Variants in PLIN2 observed in about 807,000 individuals in gnomAD.
PLIN2 encodes perilipin-2.
PLIN2 carries 33 observed loss-of-function variants against 30.6 expected under a neutral mutation model. That is an observed-to-expected ratio of 1.08 (90% CI 0.82 to 1.44). PLIN2 has a LOEUF of 1.44. Among genes scored for constraint, PLIN2 ranks in the 40% most tolerant of loss-of-function variants. PLIN2 has a pLI of 0.00. For synonymous variants in PLIN2, 205 were observed against 201.1 expected (o/e 1.02, Z -0.16); for missense variants, 610 against 531.8 (o/e 1.15, Z -1.45).
At chr9:19,121,537 AAAAG>A (rs1818317151) in intron 4 of PLIN2, among the ~76,000 whole-genome samples, 1 of 151,916 alleles carries the variant, frequency 6.6e-6, no homozygotes, top group African/African-American at 2.4e-5. Context: ...AAAAGAAAAG[AAAAG>A]AAGGTAAGTT....
intron 3 of PLIN2, 65 bp from the exon 4 acceptor site, chr9:19,123,712 T>C: frequency 7.2e-7 from 1 of 1,388,190 alleles, no homozygotes; most frequent in Non-Finnish European, 1.0e-6. Flanking sequence ...CACATTACCA[T>C]AGGCCTTATA....
At chr9:19,120,734 T>C in intron 5 of PLIN2, 146 bp downstream of exon 5, 1 of 634,212 alleles carries the variant, frequency 1.6e-6, no homozygotes, top group East Asian at 2.7e-5. Flanking sequence ...GAGGATCTTT[T>C]GGGGTAGCAG....
chr9:19,121,920 A>G (rs1236039928), intron 4 of PLIN2, among the ~76,000 whole-genome samples: 3 of 152,062 alleles, frequency 2.0e-5, no homozygotes, highest in Non-Finnish European at 4.4e-5. Context: ...AACAAGAGCA[A>G]AACTCTGTCT....
At chr9:19,119,309 T>G (rs1818276981) in intron 6 of PLIN2, among the ~76,000 whole-genome samples, 1 of 152,218 alleles carries the variant, frequency 6.6e-6, no homozygotes, top group African/African-American at 2.4e-5. Context: ...TAGGTATGCT[T>G]GTAACTTTAC....
chr9:19,109,578 A>AACATAAAACACATAAAACGTAC (rs752447982), intron 2 of PLIN2, among the ~76,000 whole-genome samples: 3,298 of 151,742 alleles, frequency 0.022, 70 homozygotes, highest in Middle Eastern at 0.086. Context: ...AAAAATTAAT[A>AACATAAAACACATAAAACGTAC]ACATAAAACG....
At chr9:19,126,349 A>G in intron 2 of PLIN2, 40 bp from the exon 3 acceptor site, 1 of 1,613,600 alleles carries the variant, frequency 6.2e-7, no homozygotes, top group Non-Finnish European at 8.5e-7. Flanking sequence ...TTAATCTCTC[A>G]AAACACAAAA....
chr9:19,119,086 C>T (rs1304649919), intron 6 of PLIN2, among the ~76,000 whole-genome samples: 1 of 152,252 alleles, frequency 6.6e-6, no homozygotes, highest in Non-Finnish European at 1.5e-5. Flanking sequence ...TTGCCAACCA[C>T]TATTTCCCCT....
downstream of PLIN2, among the ~76,000 whole-genome samples, chr9:19,112,284 C>T (rs1480396413): frequency 6.6e-6 from 1 of 152,158 alleles, no homozygotes; most frequent in African/African-American, 2.4e-5. Context: ...CAAATGTTGA[C>T]GAACCTGCCA....
chr9:19,124,410 C>G (rs1588647647), intron 3 of PLIN2, among the ~76,000 whole-genome samples: 1 of 152,266 alleles, frequency 6.6e-6, no homozygotes, highest in South Asian at 2.1e-4. Flanking sequence ...CACCCTGGAT[C>G]TCCCTAACAA....
In PLIN2 at chr9:19,116,237, T is replaced by C. The variant is rs138102347; in HGVS notation, c.*11A>G. 1.9e-5 allele frequency: 30 copies of C among 1,556,536 alleles called. No individual in the cohort carries two copies. In the Admixed American group the frequency reaches 5.3e-4, roughly 27 times the overall value. On this transcript the variant is annotated 3_prime_UTR_variant, in exon 8 of 8. Transcript: ENST00000276914. ...GTCTGGCCACAGCATGCACTAGTGA[T>C]AGGGGCAGGTTTAATGAGTTTTATG...
In PLIN2 at chr9:19,126,324, G is replaced by C; in HGVS notation, c.31-15C>G. On this transcript the variant is annotated splice_polypyrimidine_tract_variant and intron_variant, in intron 2 of 7. Transcript: ENST00000276914. Reference sequence around the variant, plus strand: ...GTCACCACACTCTGCAATCAAAGTAGGGAGGGTATGCTTATTAATCTCTCA... The same window carrying C: ...GTCACCACACTCTGCAATCAAAGTACGGAGGGTATGCTTATTAATCTCTCA... 6.2e-7 allele frequency: 1 copy of C among 1,613,514 alleles called. No individual in the cohort carries two copies. The highest frequency in any genetic ancestry group is 1.3e-5 in the African/African-American group (1 of 75,036).
At chr9:19,109,911 G>A (rs1818136922) in intron 2 of PLIN2, among the ~76,000 whole-genome samples, 1 of 151,244 alleles carries the variant, frequency 6.6e-6, no homozygotes, top group African/African-American at 2.4e-5. Flanking sequence ...AGCCAAGATT[G>A]CACCACTGCA....
chr9:19,117,838 C>G (rs1039887662), intron 7 of PLIN2, among the ~76,000 whole-genome samples: 17 of 151,808 alleles, frequency 1.1e-4, no homozygotes, highest in Admixed American at 7.2e-4. Flanking sequence ...AGGATGGTCT[C>G]GATCTCCTGA....
chr9:19,110,621 G>A (rs1202488628), intron 2 of PLIN2, among the ~76,000 whole-genome samples: 11 of 151,746 alleles, frequency 7.2e-5, no homozygotes, highest in Non-Finnish European at 1.6e-4. Flanking sequence ...TATTACAGGC[G>A]TGTGCCACCA....
chr9:19,118,737 G>C (rs548901175), intron 6 of PLIN2, among the ~76,000 whole-genome samples: 4 of 152,144 alleles, frequency 2.6e-5, no homozygotes, highest in Admixed American at 1.3e-4. Flanking sequence ...AATTTTTTTT[G>C]AGTGTCACTC....
intron 3 of PLIN2, chr9:19,125,873 A>C: frequency 2.6e-6 from 1 of 389,722 alleles, no homozygotes. Context: ...CAGTGAGCCA[A>C]GACTGCGCCA....
downstream of PLIN2, among the ~76,000 whole-genome samples, chr9:19,112,296 G>A (rs1013654638): frequency 4.6e-5 from 7 of 152,268 alleles, no homozygotes; most frequent in South Asian, 1.0e-3. Context: ...AACCTGCCAT[G>A]GTTACATACT....
downstream of PLIN2, among the ~76,000 whole-genome samples, chr9:19,112,003 T>C (rs532818083): frequency 4.6e-4 from 70 of 152,296 alleles, no homozygotes; most frequent in Non-Finnish European, 9.0e-4. Context: ...AAGTTAAAGA[T>C]ACTACATGTC....
In PLIN2 at chr9:19,119,679, T is replaced by TGGTC; in HGVS notation, c.744_747dup (p.Ile250AspfsTer13). 1.2e-6 allele frequency: 2 copies of TGGTC among 1,605,098 alleles called. No homozygotes were observed. The highest frequency in any genetic ancestry group is 1.7e-6 in the Non-Finnish European group (2 of 1,174,818). On this transcript the variant is annotated frameshift_variant, in exon 6 of 8. Coordinates refer to ENST00000276914, the MANE Select transcript of PLIN2 (RefSeq NM_001122.4). LOFTEE classifies it high-confidence loss of function. ...TGAACAGTAGAATGGAGCTGAGAAA[T>TGGTC]GGTCTGTTGGCTTTTTTGCTTAGCT...
Sources: allele counts gnomAD v4.1 joint callset (sites outside exome capture counted in the v4.1 genomes callset), GRCh38; gene constraint gnomAD v4.1.1; transcripts MANE v1.5; gene names NCBI Gene and HGNC (gene_info 2026-07-23, HGNC 2026-07-21).